Variants in PPP2R5E observed in about 807,000 individuals in gnomAD.
PPP2R5E encodes the protein serine/threonine-protein phosphatase 2A 56 kDa regulatory subunit epsilon isoform.
In PPP2R5E, 4 loss-of-function variants were observed where a neutral mutation model predicts 65.3. The ratio of observed to expected loss-of-function variants is 0.06; its 90% confidence interval spans 0.03 to 0.14. The LOEUF is 0.14. PPP2R5E is among the 10% of genes least tolerant of loss of function. The pLI is 1.00. For missense variants in PPP2R5E, 274 were observed against 556.1 expected (o/e 0.49, Z 5.10); for synonymous variants, 183 against 187.4 (o/e 0.98, Z 0.19).
intron 7 of PPP2R5E, among the ~76,000 whole-genome samples, chr14:63,394,717 G>C (rs1378316301): frequency 1.3e-5 from 2 of 152,158 alleles, no homozygotes; most frequent in South Asian, 4.1e-4. Flanking sequence ...AAAAGATTAA[G>C]TAATCATATT....
In PPP2R5E at chr14:63,371,810, T is replaced by G. The variant is rs1883704937; in HGVS notation, c.*4199A>C. 1 of 152,186 alleles carries G rather than the reference T, an allele frequency of 6.6e-6. No individual in the cohort carries two copies. Among genetic ancestry groups the G allele is most frequent in the African/African-American group, 2.4e-5 (1 of 41,462 alleles). The allele number at this position is 152,186 out of a possible 1,614,324, so 9.4% of individuals were successfully genotyped here. A position where few individuals can be genotyped will look rare whatever the true frequency, so the allele number is the denominator to read the frequency against. Reference sequence around the variant, plus strand: ...ATTACTAACAGGGAAAATGAACTTTTGCTGCCCTCTCCTGCTAAAACAATG... The same window carrying G: ...ATTACTAACAGGGAAAATGAACTTTGGCTGCCCTCTCCTGCTAAAACAATG... On this transcript the variant is annotated 3_prime_UTR_variant, in exon 14 of 14. Transcript: ENST00000337537.
intron 5 of PPP2R5E, among the ~76,000 whole-genome samples, chr14:63,403,672 A>G (rs1885898707): frequency 6.6e-6 from 1 of 151,866 alleles, no homozygotes; most frequent in South Asian, 2.1e-4. Flanking sequence ...AGACTAGTTG[A>G]TATGTGGGCC....
intron 2 of PPP2R5E, among the ~76,000 whole-genome samples, chr14:63,491,723 T>A (rs1457109229): frequency 1.3e-5 from 2 of 152,050 alleles, no homozygotes; most frequent in African/African-American, 4.8e-5. Context: ...GGCATGCACC[T>A]GTAGTCCCAG....
chr14:63,385,613 G>A (rs1884617452), intron 11 of PPP2R5E, among the ~76,000 whole-genome samples: 1 of 152,066 alleles, frequency 6.6e-6, no homozygotes. Flanking sequence ...TATTTACTAA[G>A]TACCTCCTAT....
At chr14:63,426,699 C>CAAAAAAA (rs1191603099) in intron 3 of PPP2R5E, among the ~76,000 whole-genome samples, 3 of 54,830 alleles carry the variant, frequency 5.5e-5, no homozygotes, top group Non-Finnish European at 4.9e-5. Flanking sequence ...AAAGGCTTAT[C>CAAAAAAA]AAAAAAAAAA....
chr14:63,535,828 A>G (rs1367264511), intron 2 of PPP2R5E, among the ~76,000 whole-genome samples: 1 of 152,202 alleles, frequency 6.6e-6, no homozygotes, highest in Non-Finnish European at 1.5e-5. Context: ...AACTACCCTT[A>G]GCATGCATAT....
chr14:63,511,004 T>C (rs796262043), intron 2 of PPP2R5E, among the ~76,000 whole-genome samples: 2 of 152,328 alleles, frequency 1.3e-5, no homozygotes, highest in African/African-American at 2.4e-5. Context: ...ACAGTATCCA[T>C]TGAACCAAGG....
At chr14:63,430,389 A>ACATGCATACATACATACATGCATGCATG (rs1427187078) in intron 3 of PPP2R5E, among the ~76,000 whole-genome samples, 3 of 142,492 alleles carry the variant, frequency 2.1e-5, no homozygotes, top group African/African-American at 8.8e-5. Context: ...ATACATACAT[A>ACATGCATACATACATACATGCATGCATG]CATACATACA....
chr14:63,388,313 G>A (rs1884801376), intron 11 of PPP2R5E, among the ~76,000 whole-genome samples: 1 of 152,020 alleles, frequency 6.6e-6, no homozygotes, highest in South Asian at 2.1e-4. Context: ...GCTAATTTTT[G>A]TATTTTTAAT....
At chr14:63,423,051 T>C (rs1827878151) in intron 3 of PPP2R5E, among the ~76,000 whole-genome samples, 1 of 152,236 alleles carries the variant, frequency 6.6e-6, no homozygotes, top group East Asian at 1.9e-4. Context: ...GATGAAGAGA[T>C]AAGGATTCAT....
At chr14:63,478,867 A>G (rs1890549651) in intron 2 of PPP2R5E, among the ~76,000 whole-genome samples, 1 of 152,180 alleles carries the variant, frequency 6.6e-6, no homozygotes, top group Non-Finnish European at 1.5e-5. Context: ...TCATGCCTGT[A>G]ATCCCAGCAC....
chr14:63,377,823 A>G lies in PPP2R5E; in HGVS notation c.1305-1715T>C, dbSNP rs920373069. Reference sequence around the variant, plus strand: ...ATTGCACTTATAGGACAATAAGGGCAAGATTAGATAATCCTCCAATCTTCT... The same window carrying G: ...ATTGCACTTATAGGACAATAAGGGCGAGATTAGATAATCCTCCAATCTTCT... On this transcript the variant is annotated intron_variant, in intron 13 of 13. Transcript: ENST00000337537. Among the ~76,000 whole-genome samples, 5 of 152,238 alleles carry G rather than the reference A, an allele frequency of 3.3e-5. No individual in the cohort carries two copies. In the South Asian group the frequency reaches 6.2e-4, roughly 19 times the overall value.
At chr14:63,459,557 C>A (rs1016613676) in intron 2 of PPP2R5E, among the ~76,000 whole-genome samples, 1 of 152,118 alleles carries the variant, frequency 6.6e-6, no homozygotes, top group Non-Finnish European at 1.5e-5. Context: ...AAAACTAACC[C>A]AGAACCAATC....
intron 3 of PPP2R5E, among the ~76,000 whole-genome samples, chr14:63,442,058 T>G (rs1325185676): frequency 6.6e-6 from 1 of 152,124 alleles, no homozygotes; most frequent in Non-Finnish European, 1.5e-5. Context: ...ACAGTTAAAT[T>G]GTGGGAATTG....
chr14:63,512,175 T>C (rs1892490519), intron 2 of PPP2R5E, among the ~76,000 whole-genome samples: 1 of 151,820 alleles, frequency 6.6e-6, no homozygotes, highest in Non-Finnish European at 1.5e-5. Context: ...CCACACACCA[T>C]TTTTGAAAAT....
At chr14:63,455,372 C>G (rs1318450973) in intron 2 of PPP2R5E, among the ~76,000 whole-genome samples, 1 of 152,176 alleles carries the variant, frequency 6.6e-6, no homozygotes, top group Non-Finnish European at 1.5e-5. Flanking sequence ...GCTTTCTCTA[C>G]CAGACATTAG....
chr14:63,508,151 G>A, intron 2 of PPP2R5E: 2 of 985,492 alleles, frequency 2.0e-6, no homozygotes, highest in Non-Finnish European at 2.4e-6. Context: ...AGCCCCTGCA[G>A]CTCTCAGGCC....
chr14:63,491,557 T>C (rs972861673), intron 2 of PPP2R5E, among the ~76,000 whole-genome samples: 5 of 152,090 alleles, frequency 3.3e-5, no homozygotes, highest in African/African-American at 1.2e-4. Context: ...ATTATTAAAA[T>C]TAATTTCAGA....
intron 2 of PPP2R5E, among the ~76,000 whole-genome samples, chr14:63,473,861 G>A (rs940416427): frequency 1.3e-5 from 2 of 152,152 alleles, no homozygotes; most frequent in Admixed American, 6.5e-5. Flanking sequence ...CAATAGAAAA[G>A]CCAAGGTGAA....
Sources: allele counts gnomAD v4.1 joint callset (sites outside exome capture counted in the v4.1 genomes callset), GRCh38; gene constraint gnomAD v4.1.1; transcripts MANE v1.5; gene names NCBI Gene and HGNC (gene_info 2026-07-23, HGNC 2026-07-21).